The following MACF1 variants were observed in gnomAD, a reference collection of about 807,000 sequenced individuals.
The protein encoded by MACF1 is microtubule actin crosslinking factor 1.
MACF1 carries 193 observed loss-of-function variants against 854.8 expected under a neutral mutation model. The ratio of observed to expected loss-of-function variants is 0.23; its 90% CI spans 0.20 to 0.25. MACF1 has a LOEUF of 0.25. Among genes scored for constraint, MACF1 ranks in the 10% least tolerant of loss-of-function variants. The probability of loss-of-function intolerance (pLI) is 1.00; values close to 1 mark genes in which losing one functional copy is unlikely to be tolerated. For missense variants in MACF1, 7,722 were observed against 8,929.1 expected, an observed-to-expected ratio of 0.86 and a Z score of 5.45; for synonymous variants, 3,185 against 3,226.7, an observed-to-expected ratio of 0.99 and a Z score of 0.44.
chr1:39,346,634 C>T (rs959925376), intron 40 of MACF1, among the ~76,000 whole-genome samples: 2 of 151,600 alleles, frequency 1.3e-5, no homozygotes, highest in Admixed American at 6.6e-5. Flanking sequence ...ATTCTCCTGC[C>T]TCAGCCTCCC....
At chr1:39,387,089 A>G in intron 57 of MACF1, 98 bp from the exon 58 acceptor site, 3 of 1,342,196 alleles carry the variant, frequency 2.2e-6, no homozygotes, top group South Asian at 1.4e-5. Flanking sequence ...AAGTAACATT[A>G]GTTCCCTTCC....
intron 97 of MACF1, among the ~76,000 whole-genome samples, chr1:39,474,617 C>T (rs114263982): frequency 0.052 from 7,935 of 152,090 alleles, 262 homozygotes; most frequent in East Asian, 0.13. Context: ...TCACTTGAAC[C>T]GGGGAAGCGG....
At chr1:39,450,711 G>A (rs566012444) in intron 84 of MACF1, among the ~76,000 whole-genome samples, 8 of 147,910 alleles carry the variant, frequency 5.4e-5, no homozygotes, top group South Asian at 2.1e-4. Flanking sequence ...TCCCGGGTTC[G>A]CGCCATTCTC....
chr1:39,333,467 A>G lies in MACF1; in HGVS notation c.6879A>G (p.Leu2293=). Residue 2293 remains leucine (L), a synonymous_variant, in exon 37 of 101, where the codon CTA becomes CTG. Transcript: ENST00000564288. The stretch of plus-strand genomic sequence containing the variant: ...TAAATGTATTATCTGCACAGTTACT[A>G]GATGGTGGTATCTTTCATGAACAAA... ...ATLNVLSAQL[L]DGGIFHEQTG... is the part of the protein sequence containing the mutation. 1.2e-6 allele frequency: 2 copies of G among 1,614,196 alleles called. No individual in the cohort carries two copies. The highest frequency in any genetic ancestry group is 1.7e-6 in the Non-Finnish European group (2 of 1,180,018).
chr1:39,347,242 G>A, intron 41 of MACF1, 32 bp downstream of exon 41: 1 of 1,505,684 alleles, frequency 6.6e-7, no homozygotes, highest in South Asian at 1.1e-5. Flanking sequence ...GGCTCAGTTT[G>A]TCTTTGGGGA....
Position 39,480,947 on chromosome 1 carries a change from G to T in MACF1, c.22198G>T (p.Asp7400Tyr). ...KTSLQFSRCYDKPWLVNSKAG... is the reference protein window; with the variant it reads ...KTSLQFSRCYYKPWLVNSKAG... ...TTCACTTCAGTTCTCTCGCTGTTATGACAAACCCTGGTTGGTAAACAGTAA... is the reference window on the plus strand; with the variant it reads ...TTCACTTCAGTTCTCTCGCTGTTATTACAAACCCTGGTTGGTAAACAGTAA... The change falls in exon 99 of 101, where the codon GAC becomes TAC. Residue 7400 changes from aspartate to tyrosine, a missense_variant. By Grantham distance (160) the Asp-to-Tyr change is radical (BLOSUM62 -3). Coordinates refer to ENST00000564288, the MANE Select transcript of MACF1 (RefSeq NM_001394062.1). 1 of 1,550,584 alleles carries T rather than the reference G, an allele frequency of 6.4e-7. No individual in the cohort carries two copies. The highest frequency in any genetic ancestry group is 1.2e-5 in the South Asian group (1 of 84,028).
chr1:39,281,073 T>A (rs1326457395), intron 6 of MACF1, among the ~76,000 whole-genome samples: 1 of 152,226 alleles, frequency 6.6e-6, no homozygotes, highest in Non-Finnish European at 1.5e-5. Flanking sequence ...GAAAAGGTGG[T>A]ATTAGTCCCA....
At position 39,332,568 on chromosome 1, in the gene MACF1, T is replaced by C; in HGVS notation, c.5980T>C (p.Ser1994Pro). 1 of 1,614,026 alleles carries C rather than the reference T, an allele frequency of 6.2e-7. No individual in the cohort carries two copies. Among genetic ancestry groups the C allele is most frequent in the East Asian group, 2.2e-5 (1 of 44,868 alleles). ...LDKELMETLTSRDEYQTSPPK... is the reference protein window; with the variant it reads ...LDKELMETLTPRDEYQTSPPK... ...TAAAGAGCTGATGGAGACACTAACA[T>C]CCAGAGATGAGTATCAAACAAGTCC... The change falls in exon 37 of 101, where the codon TCC (serine) becomes CCC (proline). Residue 1994 changes from serine to proline, a missense_variant. Physicochemically the swap from Ser to Pro is moderately conservative, Grantham distance 74 (BLOSUM62 -1). Around this residue, in one of 15 missense-constraint regions of MACF1, gnomAD observed 1,531 missense variants for 1,601.6 expected, o/e 0.96. Transcript: ENST00000564288.
chr1:39,124,677 A>G (rs538611817), intron 2 of MACF1, among the ~76,000 whole-genome samples: 52 of 152,354 alleles, frequency 3.4e-4, no homozygotes, highest in Admixed American at 2.8e-3. Context: ...TTTGCCTAGC[A>G]TTATTTAATG....
chr1:39,233,195 C>T (rs1429274814), intron 2 of MACF1, among the ~76,000 whole-genome samples: 2 of 152,054 alleles, frequency 1.3e-5, no homozygotes, highest in East Asian at 1.9e-4. Flanking sequence ...CCACCACGCC[C>T]GGCTAATTTT....
At position 39,354,113 on chromosome 1, in the gene MACF1, G is replaced by A. The variant is rs144855452; in HGVS notation, c.11424+882G>A. On this transcript the variant is annotated intron_variant, in intron 44 of 100. Transcript: ENST00000564288. ...CCACTGGGATCTAGTCTACTTATTT[G>A]GCCTTATCTGTCACCTTCCTTTATA... Among the ~76,000 whole-genome samples the A allele has an allele frequency of 2.5e-3, 386 of 152,142 alleles. 1 individual carries two copies. Among genetic ancestry groups the A allele is most frequent in the Non-Finnish European group, 2.7e-3 (185 of 68,002 alleles).
At position 39,331,516 on chromosome 1, in the gene MACF1, T is replaced by C. The variant is rs752860011; in HGVS notation, c.4928T>C (p.Ile1643Thr). ...SVVEAIEKRIISETVGLKILE... is the reference protein window; with the variant it reads ...SVVEAIEKRITSETVGLKILE... ...GTGGAAGCAATTGAAAAGAGAATAA[T>C]CAGTGAGACAGTTGGACTGAAAATC... The change falls in exon 37 of 101, where the codon ATC becomes ACC. Residue 1643 changes from isoleucine to threonine, a missense_variant. Around this residue, in one of 15 missense-constraint regions of MACF1, gnomAD observed 1,531 missense variants for 1,601.6 expected, o/e 0.96. Transcript: ENST00000564288. The C allele has an allele frequency of 3.1e-6, 5 of 1,614,026 alleles. No individual in the cohort carries two copies. In the Admixed American group the frequency reaches 5.0e-5, roughly 16 times the overall value.
rs1466485913 is a variant in MACF1 at position 39,295,816 on chromosome 1, G to T, written c.2289G>T (p.Leu763Phe). 3.7e-6 allele frequency: 6 copies of T among 1,613,974 alleles called. No individual in the cohort carries two copies. The African/African-American group carries it at 5.3e-5, about 14-fold the overall frequency. Reference sequence around the variant, plus strand: ...ACAGTGCTGCTGTCCAGTCCCAGTTGCAGTGGATGAAGCAGCTGTGCCTGT... The same window carrying T: ...ACAGTGCTGCTGTCCAGTCCCAGTTTCAGTGGATGAAGCAGCTGTGCCTGT... ...EAYSAAVQSQ[L>F]QWMKQLCLCV... The change falls in exon 20 of 101, where the codon TTG becomes TTT. Residue 763 changes from leucine (L) to phenylalanine (F), a missense_variant. By Grantham distance (22) the Leu-to-Phe change is conservative. Transcript: ENST00000564288.
intron 6 of MACF1, among the ~76,000 whole-genome samples, chr1:39,270,720 G>A (rs1050232697): frequency 2.0e-5 from 3 of 152,164 alleles, no homozygotes; most frequent in Non-Finnish European, 4.4e-5. Flanking sequence ...TATAAAATGA[G>A]GTAGGGCACT....
At position 39,333,026 on chromosome 1, in the gene MACF1, T is replaced by G. The variant is rs761945941; in HGVS notation, c.6438T>G (p.Val2146=). Reference sequence around the variant, plus strand: ...AGGCGGAAGGTGTGCCGTTGGTGGTTGACAAAGATGTTTTTTCTGTTGAAA... The same window carrying G: ...AGGCGGAAGGTGTGCCGTTGGTGGTGGACAAAGATGTTTTTTCTGTTGAAA... ...PAEAEGVPLV[V]DKDVFSVETP... The change falls in exon 37 of 101, where the codon GTT becomes GTG. Residue 2146 remains valine, a synonymous_variant. Transcript: ENST00000564288. The G allele has an allele frequency of 6.2e-7, 1 of 1,614,070 alleles. No individual in the cohort carries two copies. Among genetic ancestry groups the G allele is most frequent in the Non-Finnish European group, 8.5e-7 (1 of 1,180,020 alleles).
At chr1:39,268,369 G>A in intron 6 of MACF1, 4 of 797,792 alleles carry the variant, frequency 5.0e-6, no homozygotes, top group Non-Finnish European at 6.1e-6. Context: ...GTTACTGAGG[G>A]CAGTGCTCCA....
intron 2 of MACF1, among the ~76,000 whole-genome samples, chr1:39,091,792 T>C (rs779144165): frequency 1.3e-5 from 2 of 152,202 alleles, no homozygotes; most frequent in Non-Finnish European, 1.5e-5. Flanking sequence ...TGCACCCGGC[T>C]GCCCTTGATA....
chr1:39,352,816 A>G (rs2148504437), intron 43 of MACF1, among the ~76,000 whole-genome samples, 191 bp from the exon 44 acceptor site: 1 of 151,928 alleles, frequency 6.6e-6, no homozygotes, highest in Middle Eastern at 3.4e-3. Flanking sequence ...AATGAAATGT[A>G]GAGATATTTT....
intron 86 of MACF1, 66 bp from the exon 87 acceptor site, chr1:39,452,618 C>A: frequency 6.3e-7 from 1 of 1,594,692 alleles, no homozygotes; most frequent in Non-Finnish European, 8.6e-7. Context: ...CTTTCCCTAG[C>A]ATGTCCCAGT....
Sources: gnomAD v4.1 joint callset for allele counts (sites outside exome capture counted in the v4.1 genomes callset) on GRCh38, gnomAD v4.1.1 for gene constraint, gnomAD v4.1.1 regional missense constraint, MANE v1.5 for transcripts, NCBI Gene and HGNC (gene_info 2026-07-23, HGNC 2026-07-21) for gene names.